Variants in APBB2 observed in about 807,000 individuals in gnomAD.
The protein encoded by APBB2 is Fe65-like 1.
In APBB2, 38 loss-of-function variants were observed where a neutral mutation model predicts 82.5. The observed-to-expected ratio is 0.46, with a 90% CI of 0.36 to 0.60. APBB2 has a LOEUF of 0.60. Among genes scored for constraint, APBB2 ranks in the 20% least tolerant of loss-of-function variants. APBB2 has a pLI of 0.00. For synonymous variants in APBB2, 341 were observed against 368.2 expected, an observed-to-expected ratio of 0.93 and a Z score of 0.85; for missense variants, 772 against 972.3, an observed-to-expected ratio of 0.79 and a Z score of 2.74.
chr4:40,842,274 T>C, intron 12 of APBB2: 1 of 410,938 alleles, frequency 2.4e-6, no homozygotes, highest in Middle Eastern at 3.5e-4. Flanking sequence ...CAAGGATGGT[T>C]GTGAGGATGG....
intron 2 of APBB2, among the ~76,000 whole-genome samples, chr4:41,106,697 C>T (rs529918560): frequency 2.0e-5 from 3 of 152,246 alleles, no homozygotes; most frequent in Admixed American, 6.5e-5. Flanking sequence ...AGGATGGTCT[C>T]GATCTCCTGA....
intron 1 of APBB2, among the ~76,000 whole-genome samples, chr4:41,182,291 C>T (rs905870325): frequency 6.6e-6 from 1 of 152,208 alleles, no homozygotes; most frequent in Non-Finnish European, 1.5e-5. Flanking sequence ...CTCCATGTTG[C>T]CAAAGCCAAT....
At chr4:40,915,793 A>G (rs1578405908) in intron 10 of APBB2, among the ~76,000 whole-genome samples, 2 of 152,160 alleles carry the variant, frequency 1.3e-5, no homozygotes, top group East Asian at 3.9e-4. Context: ...GCATTTAACC[A>G]CAGCATGGAG....
intron 12 of APBB2, chr4:40,880,776 G>GCT: frequency 3.0e-6 from 3 of 985,366 alleles, no homozygotes; most frequent in Non-Finnish European, 3.6e-6. Context: ...AGACTTTTCT[G>GCT]CTCTCTCTTG....
chr4:40,923,147 T>C, intron 10 of APBB2, among the ~76,000 whole-genome samples: 1 of 151,778 alleles, frequency 6.6e-6, no homozygotes, highest in Non-Finnish European at 1.5e-5. Flanking sequence ...GGCTAATTTT[T>C]TGTATTTTTA....
intron 12 of APBB2, chr4:40,880,249 C>T (rs1039071045): frequency 1.9e-5 from 19 of 985,246 alleles, no homozygotes; most frequent in Middle Eastern, 1.0e-3. Flanking sequence ...CTCAAAAACT[C>T]GACACAATGA....
intron 2 of APBB2, chr4:41,114,045 T>TTG (rs1750129725): frequency 6.6e-6 from 1 of 152,306 alleles, no homozygotes; most frequent in Non-Finnish European, 1.5e-5. Flanking sequence ...TCCATATTTT[T>TTG]CTTATGAACA....
chr4:40,917,350 T>C (rs1780098437), intron 10 of APBB2, among the ~76,000 whole-genome samples: 1 of 152,126 alleles, frequency 6.6e-6, no homozygotes, highest in Admixed American at 6.6e-5. Context: ...GGGAAGTGAC[T>C]TGCCCAAGGT....
intron 2 of APBB2, among the ~76,000 whole-genome samples, chr4:41,139,159 T>C (rs1758407085): frequency 6.6e-6 from 1 of 152,050 alleles, no homozygotes; most frequent in South Asian, 2.1e-4. Flanking sequence ...ATAAGAGCTC[T>C]TAATATTGAA....
chr4:41,105,476 G>A (rs188518534), intron 2 of APBB2, among the ~76,000 whole-genome samples: 73 of 152,234 alleles, frequency 4.8e-4, no homozygotes, highest in Non-Finnish European at 7.5e-4. Flanking sequence ...AGCCTCCTCA[G>A]AGACTCTATC....
chr4:41,068,397 T>C (rs1732661301), intron 3 of APBB2, among the ~76,000 whole-genome samples: 1 of 152,188 alleles, frequency 6.6e-6, no homozygotes, highest in South Asian at 2.1e-4. Flanking sequence ...AAGTTCATAA[T>C]GAATAGTATT....
chr4:41,131,654 G>C (rs1320939179), intron 2 of APBB2, among the ~76,000 whole-genome samples: 1 of 152,160 alleles, frequency 6.6e-6, no homozygotes, highest in Non-Finnish European at 1.5e-5. Context: ...ACATTACTGA[G>C]TCGGATGAGG....
At chr4:40,908,753 G>A (rs1298888422) in intron 10 of APBB2, among the ~76,000 whole-genome samples, 1 of 152,210 alleles carries the variant, frequency 6.6e-6, no homozygotes, top group Middle Eastern at 3.2e-3. Flanking sequence ...CTTTGGGCTG[G>A]TCCCGAGGCT....
intron 3 of APBB2, among the ~76,000 whole-genome samples, chr4:41,090,886 G>A (rs1741451714): frequency 6.6e-6 from 1 of 152,194 alleles, no homozygotes; most frequent in African/African-American, 2.4e-5. Context: ...AAAGTCAGAA[G>A]AGTCAGAAGT....
At chr4:41,008,059 T>A (rs571705086) in intron 6 of APBB2, among the ~76,000 whole-genome samples, 1 of 152,200 alleles carries the variant, frequency 6.6e-6, no homozygotes, top group Non-Finnish European at 1.5e-5. Flanking sequence ...AATGGAAAGA[T>A]CCCCTAAAAT....
intron 5 of APBB2, among the ~76,000 whole-genome samples, chr4:41,022,540 C>G (rs1289392222): frequency 6.6e-6 from 1 of 152,174 alleles, no homozygotes; most frequent in Non-Finnish European, 1.5e-5. Context: ...CTTTATGAAG[C>G]CTTCTCTTGT....
chr4:40,824,160 CA>C (rs1560612489), intron 15 of APBB2, among the ~76,000 whole-genome samples: 1 of 151,796 alleles, frequency 6.6e-6, no homozygotes, highest in East Asian at 1.9e-4. Context: ...TCTCAAAAAA[CA>C]AAAAAAGAAA....
chr4:40,998,214 A>C (rs1192528295), intron 6 of APBB2, among the ~76,000 whole-genome samples: 5 of 152,254 alleles, frequency 3.3e-5, no homozygotes, highest in Admixed American at 2.0e-4. Context: ...TTTTCTAATG[A>C]GATGGTTAAG....
intron 1 of APBB2, among the ~76,000 whole-genome samples, chr4:41,178,162 C>T (rs1770336404): frequency 6.6e-6 from 1 of 152,184 alleles, no homozygotes; most frequent in East Asian, 1.9e-4. Context: ...ACCTTACCCA[C>T]ATGTATCAAT....
Sources: gnomAD v4.1 joint callset for allele counts (sites outside exome capture counted in the v4.1 genomes callset) on GRCh38, gnomAD v4.1.1 for gene constraint, MANE v1.5 for transcripts, NCBI Gene and HGNC (gene_info 2026-07-23, HGNC 2026-07-21) for gene names.